The following FUT8 variants were observed in gnomAD, a reference collection of about 807,000 sequenced individuals.
The protein encoded by FUT8 is alpha-(1,6)-fucosyltransferase.
Under a neutral mutation model 71.3 loss-of-function variants are expected in FUT8, and 29 were observed. The ratio of observed to expected loss-of-function variants is 0.41; its 90% CI spans 0.30 to 0.55. The LOEUF (loss-of-function observed/expected upper bound fraction) is 0.55, where lower values mean the gene tolerates loss of function less well. Ranked by LOEUF, FUT8 falls within the 20% of genes least tolerant of loss-of-function variation. FUT8 has a pLI of 0.34. For synonymous variants in FUT8, 254 were observed against 239.3 expected, an observed-to-expected ratio of 1.06 and a Z score of -0.57; for missense variants, 544 against 702.1, an observed-to-expected ratio of 0.77 and a Z score of 2.55.
intron 2 of FUT8, among the ~76,000 whole-genome samples, chr14:65,545,028 C>G (rs982233042): frequency 1.3e-5 from 2 of 151,498 alleles, no homozygotes; most frequent in Non-Finnish European, 3.0e-5. Context: ...CCCCACCTCT[C>G]TTTTTCGTTG....
intron 2 of FUT8, among the ~76,000 whole-genome samples, chr14:65,456,666 A>C (rs995972441): frequency 6.6e-6 from 1 of 151,976 alleles, no homozygotes; most frequent in Non-Finnish European, 1.5e-5. Flanking sequence ...TGAGGTCAAG[A>C]GATCAAGACC....
chr14:65,443,391 C>T (rs1344534260), intron 1 of FUT8, among the ~76,000 whole-genome samples: 8 of 141,070 alleles, frequency 5.7e-5, no homozygotes, highest in Admixed American at 2.2e-4. Context: ...GCCTGGGCAA[C>T]AGAGCGAGAC....
chr14:65,455,054 T>A (rs1031852240), intron 1 of FUT8, among the ~76,000 whole-genome samples: 1 of 152,102 alleles, frequency 6.6e-6, no homozygotes, highest in Non-Finnish European at 1.5e-5. Context: ...GGATATGCAT[T>A]GATTGATAAA....
chr14:65,604,256 A>T (rs1297244307), intron 3 of FUT8, among the ~76,000 whole-genome samples: 2 of 152,068 alleles, frequency 1.3e-5, no homozygotes, highest in East Asian at 3.9e-4. Context: ...AATGAACTTA[A>T]CAGATATTTA....
At chr14:65,494,585 T>TTTTTTTA (rs902414925) in intron 2 of FUT8, among the ~76,000 whole-genome samples, 4 of 152,086 alleles carry the variant, frequency 2.6e-5, no homozygotes, top group Non-Finnish European at 5.9e-5. Flanking sequence ...GGGCAACGTA[T>TTTTTTTA]TTTTTTATTT....
In FUT8 at chr14:65,465,429, C is replaced by T. The variant is rs187999155; in HGVS notation, c.-228+9711C>T. On this transcript the variant is annotated intron_variant, in intron 2 of 10. Transcript: ENST00000673929. ...TCAAGTGATCCTCCTGCCTTAGCCT[C>T]CCAAAGTGCTGGGATTACATGTATG... is the stretch of plus-strand genomic sequence containing the variant. Among the ~76,000 whole-genome samples, 89 of 152,276 alleles carry T rather than the reference C, an allele frequency of 5.8e-4. 2 individuals carry two copies. Among genetic ancestry groups the T allele is most frequent in the East Asian group, 3.9e-4 (2 of 5,180 alleles).
intron 6 of FUT8, among the ~76,000 whole-genome samples, chr14:65,633,263 C>T (rs1432994588): frequency 1.3e-5 from 2 of 152,156 alleles, no homozygotes; most frequent in African/African-American, 2.4e-5. Context: ...GCGAGTGATC[C>T]GCCAGCCTCG....
At chr14:65,644,039 A>G (rs1156862360) in intron 6 of FUT8, among the ~76,000 whole-genome samples, 1 of 152,116 alleles carries the variant, frequency 6.6e-6, no homozygotes, top group East Asian at 1.9e-4. Flanking sequence ...TAGAGTAATA[A>G]TGGAAGTTCT....
intron 3 of FUT8, among the ~76,000 whole-genome samples, chr14:65,576,099 A>G (rs1293592365): frequency 1.3e-5 from 2 of 152,178 alleles, no homozygotes; most frequent in African/African-American, 4.8e-5. Flanking sequence ...TGCTGTGAAT[A>G]GTTGTCTGCT....
intron 2 of FUT8, among the ~76,000 whole-genome samples, chr14:65,545,013 CT>C (rs1423001308): frequency 2.0e-5 from 3 of 151,706 alleles, no homozygotes; most frequent in Admixed American, 6.6e-5. Context: ...CTTCCCCTCC[CT>C]TTCCCCCACC....
At chr14:65,712,414 A>G (rs939907793) in intron 7 of FUT8, among the ~76,000 whole-genome samples, 2 of 152,282 alleles carry the variant, frequency 1.3e-5, no homozygotes, top group South Asian at 4.1e-4. Context: ...ATCATATTTG[A>G]AAATACAGTT....
chr14:65,699,198 A>ACG (rs1894160450), intron 7 of FUT8, among the ~76,000 whole-genome samples: 1 of 145,910 alleles, frequency 6.9e-6, no homozygotes, highest in Non-Finnish European at 1.5e-5. Flanking sequence ...ACACACACAC[A>ACG]CGCCCATGCA....
chr14:65,436,496 G>C (rs994260075), intron 1 of FUT8, among the ~76,000 whole-genome samples: 6 of 152,020 alleles, frequency 3.9e-5, no homozygotes, highest in Non-Finnish European at 7.4e-5. Context: ...CAGGTGTGGT[G>C]GTGGGCGCCT....
At chr14:65,613,474 C>T (rs1244389521) in intron 3 of FUT8, among the ~76,000 whole-genome samples, 2 of 152,134 alleles carry the variant, frequency 1.3e-5, no homozygotes, top group African/African-American at 2.4e-5. Flanking sequence ...TGAATGTATG[C>T]GTGCTCATAA....
intron 2 of FUT8, among the ~76,000 whole-genome samples, chr14:65,485,068 G>A (rs1242804685): frequency 6.6e-6 from 1 of 151,898 alleles, no homozygotes; most frequent in Non-Finnish European, 1.5e-5. Context: ...TAGGCGTGGT[G>A]GCTCATGCCT....
At chr14:65,732,779 A>G (rs1896038007) in intron 9 of FUT8, among the ~76,000 whole-genome samples, 1 of 152,218 alleles carries the variant, frequency 6.6e-6, no homozygotes, top group South Asian at 2.1e-4. Context: ...TGTAATGTCA[A>G]TGAAGAAGAC....
intron 6 of FUT8, among the ~76,000 whole-genome samples, chr14:65,647,650 T>C (rs949780054): frequency 1.3e-5 from 2 of 152,220 alleles, no homozygotes; most frequent in African/African-American, 4.8e-5. Context: ...TTCCAGCTTA[T>C]AGGAAATGAG....
At chr14:65,739,247 A>G (rs1415305354) in intron 10 of FUT8, among the ~76,000 whole-genome samples, 1 of 151,930 alleles carries the variant, frequency 6.6e-6, no homozygotes, top group African/African-American at 2.4e-5. Context: ...GGTCATTCTT[A>G]TGAGAAAAAT....
At chr14:65,416,898 C>T (rs1325343887) in intron 1 of FUT8, among the ~76,000 whole-genome samples, 1 of 151,628 alleles carries the variant, frequency 6.6e-6, no homozygotes, top group African/African-American at 2.4e-5. Context: ...ATTCTCCCGC[C>T]TTAGCCTCTG....
Sources: allele counts gnomAD v4.1 joint callset (sites outside exome capture counted in the v4.1 genomes callset), GRCh38; gene constraint gnomAD v4.1.1; transcripts MANE v1.5; gene names NCBI Gene and HGNC (gene_info 2026-07-23, HGNC 2026-07-21).